Variants in ST18 observed in about 807,000 individuals in gnomAD.
The protein encoded by ST18 is ST18 C2H2C-type zinc finger transcription factor.
A neutral mutation model predicts 110.0 loss-of-function variants in ST18; 50 were observed. The observed-to-expected ratio is 0.45, with a 90% confidence interval of 0.36 to 0.58. The LOEUF is 0.58. ST18 is among the 20% of genes least tolerant of loss of function. The pLI, the probability that ST18 is intolerant of heterozygous loss-of-function variation, is 0.00. For missense variants in ST18, 1,306 were observed against 1,280.1 expected (o/e 1.02, Z -0.31); for synonymous variants, 461 against 452.4 (o/e 1.02, Z -0.24).
At chr8:52,118,193 T>C (rs1002398088) in intron 24 of ST18, 145 bp downstream of exon 24, 1 of 570,556 alleles carries the variant, frequency 1.8e-6, no homozygotes, top group Non-Finnish European at 3.0e-6. Context: ...ATTCAGAATT[T>C]TACAATAATT....
At chr8:52,247,933 C>T (rs1321664754) in intron 2 of ST18, among the ~76,000 whole-genome samples, 2 of 152,106 alleles carry the variant, frequency 1.3e-5, no homozygotes. Flanking sequence ...TAATTTCTGG[C>T]TATTGTTAAA....
chr8:52,389,421 A>G (rs1421434044), intron 2 of ST18, among the ~76,000 whole-genome samples: 2 of 152,184 alleles, frequency 1.3e-5, no homozygotes, highest in South Asian at 2.1e-4. Flanking sequence ...ATATTAAAAG[A>G]GGAAAACCCA....
At chr8:52,188,678 G>A (rs1048078733) in intron 8 of ST18, among the ~76,000 whole-genome samples, 3 of 152,180 alleles carry the variant, frequency 2.0e-5, no homozygotes, top group African/African-American at 7.2e-5. Context: ...CATGGTCAGG[G>A]ATTATGGCAA....
intron 16 of ST18, among the ~76,000 whole-genome samples, chr8:52,148,033 A>G (rs1243900538): frequency 6.6e-6 from 1 of 152,090 alleles, no homozygotes; most frequent in African/African-American, 2.4e-5. Context: ...TGATACACGT[A>G]GACATAATTA....
intron 2 of ST18, among the ~76,000 whole-genome samples, chr8:52,348,625 T>A (rs1310258944): frequency 6.6e-6 from 1 of 152,062 alleles, no homozygotes; most frequent in Non-Finnish European, 1.5e-5. Flanking sequence ...GCGCCTGTAA[T>A]CCCAGCTACT....
chr8:52,387,068 T>C (rs1394680383), intron 2 of ST18, among the ~76,000 whole-genome samples: 1 of 152,040 alleles, frequency 6.6e-6, no homozygotes, highest in African/African-American at 2.4e-5. Context: ...TTACAGATAA[T>C]TTCTTCCTTC....
intron 2 of ST18, among the ~76,000 whole-genome samples, chr8:52,236,407 C>G (rs1202334897): frequency 1.3e-5 from 2 of 152,080 alleles, no homozygotes; most frequent in Non-Finnish European, 2.9e-5. Context: ...TTCAGGAGTT[C>G]AAGACCAACC....
intron 17 of ST18, chr8:52,137,772 G>A (rs1030644936): frequency 1.8e-5 from 6 of 337,460 alleles, no homozygotes; most frequent in African/African-American, 1.3e-4. Context: ...TTGTGATGTT[G>A]TCAGTTAGCA....
At chr8:52,309,899 A>G (rs2095875691) in intron 2 of ST18, among the ~76,000 whole-genome samples, 1 of 152,162 alleles carries the variant, frequency 6.6e-6, no homozygotes, top group African/African-American at 2.4e-5. Context: ...AGAAGCATTT[A>G]ATACAATGCT....
intron 23 of ST18, among the ~76,000 whole-genome samples, chr8:52,119,799 C>T (rs1412150621): frequency 1.3e-5 from 2 of 152,240 alleles, no homozygotes; most frequent in East Asian, 3.9e-4. Flanking sequence ...AAACAGATGG[C>T]TATTCTGTGG....
intron 2 of ST18, chr8:52,406,704 T>G (rs986408919): frequency 1.6e-4 from 24 of 152,212 alleles, no homozygotes; most frequent in African/African-American, 5.5e-4. Flanking sequence ...CATTAGCCAT[T>G]ACATGAAGTC....
chr8:52,308,899 G>A (rs1176073483), intron 2 of ST18, among the ~76,000 whole-genome samples: 1 of 152,328 alleles, frequency 6.6e-6, no homozygotes, highest in East Asian at 1.9e-4. Flanking sequence ...CTATAACTAA[G>A]TGTTGCAAGT....
At chr8:52,210,229 CT>C in intron 8 of ST18, 1 of 415,726 alleles carries the variant, frequency 2.4e-6, no homozygotes, top group Non-Finnish European at 4.8e-6. Flanking sequence ...TAAATAAAGC[CT>C]CCAGAAATAT....
rs754700553 is a variant in ST18, at chr8:52,394,419, C to CA, written c.-465+14908dup. Among the ~76,000 whole-genome samples, 172 of 151,926 alleles carry CA rather than the reference C, an allele frequency of 1.1e-3. 1 individual carries two copies. The highest frequency in any genetic ancestry group is 3.7e-3 in the African/African-American group (154 of 41,470). On this transcript the variant is annotated intron_variant, in intron 2 of 25. Coordinates refer to ENST00000689386, the MANE Select transcript of ST18 (RefSeq NM_001352837.2). ...GGTAGACTGTAAGCCTCAAAACATACAAAAAAAAGTCTTCAAAATCTTCCT... is the reference window on the plus strand; with the variant it reads ...GGTAGACTGTAAGCCTCAAAACATACAAAAAAAAAGTCTTCAAAATCTTCCT...
chr8:52,132,565 A>G (rs1013646595), intron 21 of ST18, among the ~76,000 whole-genome samples: 2 of 152,238 alleles, frequency 1.3e-5, no homozygotes, highest in African/African-American at 2.4e-5. Context: ...TAACTGCCTT[A>G]ACAGACGCTG....
intron 2 of ST18, among the ~76,000 whole-genome samples, chr8:52,264,772 C>G (rs2094813628): frequency 6.6e-6 from 1 of 152,146 alleles, no homozygotes; most frequent in African/African-American, 2.4e-5. Flanking sequence ...GCCCAGGACA[C>G]CTGCATCTAA....
intron 8 of ST18, chr8:52,194,878 T>C (rs2075718202): frequency 6.6e-6 from 1 of 152,344 alleles, no homozygotes; most frequent in African/African-American, 2.4e-5. Context: ...AAAGATAATT[T>C]AATCCTCACA....
At chr8:52,405,368 G>A (rs1844116779) in intron 2 of ST18, 1 of 152,178 alleles carries the variant, frequency 6.6e-6, no homozygotes, top group Admixed American at 6.5e-5. Flanking sequence ...AACTGCCTAT[G>A]CGCAGTCCAG....
chr8:52,155,947 T>G (rs2001576), intron 15 of ST18, among the ~76,000 whole-genome samples: 2,767 of 152,238 alleles, frequency 0.018, 85 homozygotes, highest in African/African-American at 0.064. Context: ...TAATTCATAC[T>G]CCTATGGGGT....
Sources: gnomAD v4.1 joint callset for allele counts (sites outside exome capture counted in the v4.1 genomes callset) on GRCh38, gnomAD v4.1.1 for gene constraint, MANE v1.5 for transcripts, NCBI Gene and HGNC (gene_info 2026-07-23, HGNC 2026-07-21) for gene names.